Variants in MCTP1 observed in about 807,000 individuals in gnomAD.
The protein encoded by MCTP1 is multiple C2 and transmembrane domain-containing protein 1.
A neutral mutation model predicts 120.6 loss-of-function variants in MCTP1; 69 were observed. The ratio of observed to expected loss-of-function variants is 0.57; its 90% confidence interval spans 0.47 to 0.70. The LOEUF (loss-of-function observed/expected upper bound fraction) is 0.70, where lower values mean the gene tolerates loss of function less well. Ranked by LOEUF, MCTP1 falls within the 30% of genes least tolerant of loss-of-function variation. The pLI is 0.00. For missense variants in MCTP1, 1,203 were observed against 1,248.8 expected (o/e 0.96, Z 0.55); for synonymous variants, 529 against 493.1 (o/e 1.07, Z -0.96).
chr5:95,282,260 G>C (rs113359516), intron 1 of MCTP1, among the ~76,000 whole-genome samples: 1,630 of 152,038 alleles, frequency 0.011, 30 homozygotes, highest in African/African-American at 0.036. Context: ...TTGGCAAAAA[G>C]GAACATAAAA....
intron 1 of MCTP1, among the ~76,000 whole-genome samples, chr5:95,235,922 G>T (rs1352405364): frequency 6.6e-6 from 1 of 152,116 alleles, no homozygotes; most frequent in Non-Finnish European, 1.5e-5. Context: ...CATATCTATT[G>T]TTTATGTCAC....
intron 1 of MCTP1, among the ~76,000 whole-genome samples, chr5:95,069,952 C>T (rs1751716572): frequency 6.6e-6 from 1 of 152,090 alleles, no homozygotes; most frequent in African/African-American, 2.4e-5. Flanking sequence ...ATCCACCCAC[C>T]TCAGCCTCCC....
Position 95,198,623 on chromosome 5 carries a change from C to T in MCTP1, c.720+85233G>A, listed in dbSNP as rs377007062. 2.6e-5 allele frequency among the ~76,000 whole-genome samples: 4 copies of T among 152,218 alleles called. No individual in the cohort carries two copies. In the East Asian group the frequency reaches 7.7e-4, roughly 29 times the overall value. On this transcript the variant is annotated intron_variant, in intron 1 of 22. Coordinates refer to ENST00000515393, the MANE Select transcript of MCTP1 (RefSeq NM_024717.7). ...AGGTCGGAATCCCATTGTATAATAG[C>T]CTATAGTTTTTAGCGTCTTTTCCCG...
chr5:94,873,413 G>A (rs1798195177), intron 12 of MCTP1, among the ~76,000 whole-genome samples, 172 bp from the exon 13 acceptor site: 1 of 151,952 alleles, frequency 6.6e-6, no homozygotes, highest in African/African-American at 2.4e-5. Context: ...AGATGTAACT[G>A]GTTGATGTTA....
chr5:95,234,002 A>C (rs768453901), intron 1 of MCTP1, among the ~76,000 whole-genome samples: 1 of 152,000 alleles, frequency 6.6e-6, no homozygotes, highest in Admixed American at 6.6e-5. Context: ...GAGCCAGACC[A>C]GGCAGATCAG....
At chr5:95,025,915 T>C (rs536094283) in intron 1 of MCTP1, among the ~76,000 whole-genome samples, 10 of 152,266 alleles carry the variant, frequency 6.6e-5, no homozygotes, top group Admixed American at 2.0e-4. Flanking sequence ...CTTATAGATA[T>C]CATGAAACAC....
chr5:95,195,059 G>A (rs1750229836), intron 1 of MCTP1, among the ~76,000 whole-genome samples: 2 of 152,208 alleles, frequency 1.3e-5, no homozygotes, highest in Admixed American at 1.3e-4. Context: ...AGGCCTATGA[G>A]GCCTTGAATC....
intron 1 of MCTP1, among the ~76,000 whole-genome samples, chr5:95,150,072 T>C (rs1760754515): frequency 6.6e-6 from 1 of 152,202 alleles, no homozygotes; most frequent in African/African-American, 2.4e-5. Context: ...CTTTGTTTCC[T>C]TTCTGTGAGG....
intron 19 of MCTP1, among the ~76,000 whole-genome samples, chr5:94,764,985 A>T (rs1322056159): frequency 6.6e-6 from 1 of 152,126 alleles, no homozygotes. Flanking sequence ...AGGATAGACC[A>T]TATATTAGGC....
intron 2 of MCTP1, among the ~76,000 whole-genome samples, chr5:95,015,807 A>G (rs1836996044): frequency 6.6e-6 from 1 of 152,062 alleles, no homozygotes; most frequent in South Asian, 2.1e-4. Context: ...ATTATTGCCT[A>G]TATTTTATAA....
At chr5:94,764,299 G>C (rs1352030441) in intron 19 of MCTP1, among the ~76,000 whole-genome samples, 10 of 152,202 alleles carry the variant, frequency 6.6e-5, no homozygotes, top group Admixed American at 6.5e-4. Context: ...TCACCACCAT[G>C]TTAACAACTC....
intron 17 of MCTP1, among the ~76,000 whole-genome samples, chr5:94,817,276 C>T (rs1337881024): frequency 2.6e-5 from 4 of 152,014 alleles, no homozygotes; most frequent in Admixed American, 6.6e-5. Flanking sequence ...GGTGGCATGC[C>T]GCATGCCTGT....
At chr5:94,869,721 T>C (rs1045095711) in intron 16 of MCTP1, among the ~76,000 whole-genome samples, 2 of 152,104 alleles carry the variant, frequency 1.3e-5, no homozygotes, top group African/African-American at 4.8e-5. Flanking sequence ...TTTAGTTCTG[T>C]GAATCAGATG....
intron 22 of MCTP1, chr5:94,708,165 T>C (rs1755319284): frequency 6.2e-6 from 1 of 162,184 alleles, no homozygotes. Flanking sequence ...TTTTTTTTCT[T>C]AAATGTCCAC....
rs189937579 is a variant in MCTP1, at chr5:94,810,586, A to G, written c.2437-11454T>C. The stretch of plus-strand genomic sequence containing the variant: ...AAGTTACTTTAAAAATTAGTCCTTC[A>G]GTCTTTACACCTCCAGCTCTAATTC... On this transcript the variant is annotated intron_variant, in intron 17 of 22. Coordinates refer to ENST00000515393, the MANE Select transcript of MCTP1 (RefSeq NM_024717.7). 3.1e-3 allele frequency among the ~76,000 whole-genome samples: 475 copies of G among 152,322 alleles called. 4 individuals are homozygous for G. The highest frequency in any genetic ancestry group is 0.011 in the African/African-American group (457 of 41,594).
At chr5:94,873,879 T>G (rs1435127081) in intron 12 of MCTP1, among the ~76,000 whole-genome samples, 2 of 151,434 alleles carry the variant, frequency 1.3e-5, no homozygotes. Flanking sequence ...GAGCAGTATT[T>G]TTTTTTTTTC....
intron 1 of MCTP1, among the ~76,000 whole-genome samples, chr5:95,149,423 G>T (rs1284476569): frequency 6.6e-6 from 1 of 152,134 alleles, no homozygotes; most frequent in Non-Finnish European, 1.5e-5. Flanking sequence ...TGTTATTGGG[G>T]TGTTTCCTGG....
chr5:95,280,351 T>C (rs1223152101), intron 1 of MCTP1, among the ~76,000 whole-genome samples: 1 of 152,200 alleles, frequency 6.6e-6, no homozygotes, highest in Non-Finnish European at 1.5e-5. Flanking sequence ...TTTAACAAAA[T>C]TTATTTAAAG....
chr5:95,177,080 A>G lies in MCTP1; in HGVS notation c.720+106776T>C, dbSNP rs534288940. ...AAATACACATACATAATATATACAC[A>G]TAATATATATTAGGGTTATCCGGAG... On this transcript the variant is annotated intron_variant, in intron 1 of 22. Coordinates refer to ENST00000515393, the MANE Select transcript of MCTP1 (RefSeq NM_024717.7). Among the ~76,000 whole-genome samples, 5 of 151,664 alleles carry G rather than the reference A, an allele frequency of 3.3e-5. No homozygotes were observed. The South Asian group carries it at 1.0e-3, about 31-fold the overall frequency.
Sources: allele counts gnomAD v4.1 joint callset (sites outside exome capture counted in the v4.1 genomes callset), GRCh38; gene constraint gnomAD v4.1.1; transcripts MANE v1.5; gene names NCBI Gene and HGNC (gene_info 2026-07-23, HGNC 2026-07-21).